Variants in RBMS1 observed in about 807,000 individuals in gnomAD.
RBMS1 encodes the protein RNA-binding motif, single-stranded-interacting protein 1.
In RBMS1, 17 loss-of-function variants were observed where a neutral mutation model predicts 62.3. The ratio of observed to expected loss-of-function variants is 0.27; its 90% CI spans 0.19 to 0.41. The LOEUF is 0.41. Ranked by LOEUF, RBMS1 falls within the 10% of genes least tolerant of loss-of-function variation. The pLI is 1.00. For synonymous variants in RBMS1, 172 were observed against 170.0 expected, an observed-to-expected ratio of 1.01 and a Z score of -0.09; for missense variants, 334 against 504.5, an observed-to-expected ratio of 0.66 and a Z score of 3.24.
intron 3 of RBMS1, among the ~76,000 whole-genome samples, chr2:160,314,562 G>T (rs1433858621): frequency 5.3e-5 from 8 of 152,132 alleles, no homozygotes; most frequent in Non-Finnish European, 1.0e-4. Flanking sequence ...AGTCAGTTTT[G>T]CAGTATTAGT....
intron 2 of RBMS1, among the ~76,000 whole-genome samples, chr2:160,358,654 T>C (rs985657382): frequency 6.6e-6 from 1 of 152,160 alleles, no homozygotes; most frequent in Non-Finnish European, 1.5e-5. Context: ...CAAGAAGCTA[T>C]ATAATAGTAA....
intron 5 of RBMS1, among the ~76,000 whole-genome samples, chr2:160,301,303 G>C (rs1477298340): frequency 6.6e-6 from 1 of 152,162 alleles, no homozygotes; most frequent in Non-Finnish European, 1.5e-5. Flanking sequence ...AGGAGTAAAG[G>C]CTGGAGGCTA....
rs764820779 is a variant in RBMS1, at chr2:160,461,255, AAGAG to A, written c.75+32030_75+32033del. On this transcript the variant is annotated intron_variant, in intron 1 of 13. Coordinates refer to ENST00000348849, the MANE Select transcript of RBMS1 (RefSeq NM_016836.4). ...CAGAGCAAGACTCCATCTCGAAAGA[AAGAG>A]AGAGAGAGAGAGAGGGAGAGAAAGA... 5.8e-4 allele frequency among the ~76,000 whole-genome samples: 88 copies of A among 150,746 alleles called. No individual in the cohort carries two copies. In the Middle Eastern group the frequency reaches 0.031, roughly 53 times the overall value.
chr2:160,376,020 T>C (rs1471076933), intron 1 of RBMS1, among the ~76,000 whole-genome samples: 1 of 152,218 alleles, frequency 6.6e-6, no homozygotes, highest in African/African-American at 2.4e-5. Context: ...ATTCCAGGGC[T>C]GACAACTTCC....
chr2:160,275,434 C>A, intron 13 of RBMS1, 196 bp downstream of exon 13: 2 of 1,061,526 alleles, frequency 1.9e-6, no homozygotes, highest in Non-Finnish European at 1.2e-6. Flanking sequence ...ATAAAGCATT[C>A]TCTTTAGACA....
chr2:160,285,005 T>G lies in RBMS1; in HGVS notation c.796A>C (p.Ile266Leu), dbSNP rs201394602. The G allele has an allele frequency of 6.2e-7, 1 of 1,613,096 alleles. No individual in the cohort carries two copies. Among genetic ancestry groups the G allele is most frequent in the Non-Finnish European group, 8.5e-7 (1 of 1,179,106 alleles). ...ATTTTAACGACATACCCGTTCTGTA[T>G]AGCAGCTGTAGTTGGGTCGTAAGTA... Reference protein sequence around the residue: ...TLTYDPTTAAIQNGFYPSPYS... With the variant: ...TLTYDPTTAALQNGFYPSPYS... Residue 266 changes from isoleucine to leucine, a missense_variant, in exon 8 of 14, where the codon ATA becomes CTA. By Grantham distance (5) the Ile-to-Leu change is conservative (BLOSUM62 2). Transcript: ENST00000348849.
At chr2:160,307,774 T>C (rs1397289202) in intron 4 of RBMS1, among the ~76,000 whole-genome samples, 1 of 152,224 alleles carries the variant, frequency 6.6e-6, no homozygotes, top group Non-Finnish European at 1.5e-5. Context: ...AACAAACACT[T>C]AAAACCTGCC....
At chr2:160,382,448 A>G (rs1694326736) in intron 1 of RBMS1, among the ~76,000 whole-genome samples, 1 of 152,264 alleles carries the variant, frequency 6.6e-6, no homozygotes. Flanking sequence ...TATGACTGAT[A>G]GCAAGAATTA....
chr2:160,290,220 TA>T (rs1298369512), intron 6 of RBMS1, among the ~76,000 whole-genome samples: 15 of 150,666 alleles, frequency 1.0e-4, no homozygotes, highest in African/African-American at 3.2e-4. Flanking sequence ...TAGCTTGTTC[TA>T]TAGAGCGTAC....
chr2:160,442,307 C>T (rs907126280), intron 1 of RBMS1, among the ~76,000 whole-genome samples: 7 of 151,452 alleles, frequency 4.6e-5, no homozygotes, highest in Non-Finnish European at 1.0e-4. Context: ...TAACTCAATT[C>T]AAATTAAATT....
At chr2:160,389,739 C>CCTCAGTAATT (rs1313179155) in intron 1 of RBMS1, among the ~76,000 whole-genome samples, 1 of 146,594 alleles carries the variant, frequency 6.8e-6, no homozygotes, top group African/African-American at 2.5e-5. Flanking sequence ...GGCAAAAAAC[C>CCTCAGTAATT]CTCAGTAATT....
At chr2:160,481,670 T>C (rs547141752) in intron 1 of RBMS1, among the ~76,000 whole-genome samples, 2 of 152,274 alleles carry the variant, frequency 1.3e-5, no homozygotes, top group South Asian at 2.1e-4. Flanking sequence ...CCCAATAAAG[T>C]TGTTATTTTT....
intron 2 of RBMS1, among the ~76,000 whole-genome samples, chr2:160,331,611 G>C (rs1691278231): frequency 6.6e-6 from 1 of 152,104 alleles, no homozygotes; most frequent in Admixed American, 6.5e-5. Flanking sequence ...AAATAAATAA[G>C]ACAGCCTGTT....
intron 5 of RBMS1, 96 bp downstream of exon 5, chr2:160,303,234 A>C: frequency 3.1e-6 from 4 of 1,306,156 alleles, no homozygotes; most frequent in Non-Finnish European, 4.2e-6. Flanking sequence ...CCATAACCCT[A>C]GCTGAAACTG....
At chr2:160,302,558 G>C (rs1689265446) in intron 5 of RBMS1, 1 of 152,472 alleles carries the variant, frequency 6.6e-6, no homozygotes, top group South Asian at 2.1e-4. Flanking sequence ...GCCCAGGCTG[G>C]AGTGCAGTGG....
At chr2:160,490,306 T>TAA (rs60444709) in intron 1 of RBMS1, among the ~76,000 whole-genome samples, 125 of 143,994 alleles carry the variant, frequency 8.7e-4, no homozygotes, top group East Asian at 2.2e-3. Flanking sequence ...CACTGAGAAA[T>TAA]AAAAAAAAAA....
At chr2:160,354,871 A>G (rs1442332982) in intron 2 of RBMS1, among the ~76,000 whole-genome samples, 1 of 152,142 alleles carries the variant, frequency 6.6e-6, no homozygotes, top group Non-Finnish European at 1.5e-5. Flanking sequence ...AGAGGAGAGA[A>G]AGTCCATGTG....
chr2:160,290,449 C>G (rs1257230826), intron 6 of RBMS1, among the ~76,000 whole-genome samples: 1 of 152,096 alleles, frequency 6.6e-6, no homozygotes, highest in Non-Finnish European at 1.5e-5. Flanking sequence ...GCAGTGATTA[C>G]AAATAATTCT....
chr2:160,282,404 A>G, intron 9 of RBMS1: 1 of 994,352 alleles, frequency 1.0e-6, no homozygotes, highest in Non-Finnish European at 1.5e-6. Context: ...TGCAGCTGCC[A>G]ATTTCTCAAA....
Sources: gnomAD v4.1 joint callset for allele counts (sites outside exome capture counted in the v4.1 genomes callset) on GRCh38, gnomAD v4.1.1 for gene constraint, MANE v1.5 for transcripts, NCBI Gene and HGNC (gene_info 2026-07-23, HGNC 2026-07-21) for gene names.